The following SWAP70 variants were observed in gnomAD, a reference collection of about 807,000 sequenced individuals.
SWAP70 encodes switch-associated protein 70.
Under a neutral mutation model 80.2 loss-of-function variants are expected in SWAP70, and 34 were observed. The ratio of observed to expected loss-of-function variants is 0.42; its 90% CI spans 0.32 to 0.56. The LOEUF (loss-of-function observed/expected upper bound fraction) is 0.56, where lower values mean the gene tolerates loss of function less well. SWAP70 is among the 20% of genes least tolerant of loss of function. The probability of loss-of-function intolerance (pLI) is 0.09; values close to 1 mark genes in which losing one functional copy is unlikely to be tolerated. For missense variants in SWAP70, 578 were observed against 690.7 expected (o/e 0.84, Z 1.83); for synonymous variants, 239 against 238.5 (o/e 1.00, Z -0.02).
In SWAP70 at chr11:9,694,300, CT is replaced by C. The variant is rs1449641482; in HGVS notation, c.240+21del. ...ATTTTGGAAAAGGTATGATTCTAAC[CT>C]TTTTTTGGGTGTAGCATTGTTTGGT... On this transcript the variant is annotated intron_variant, in intron 2 of 11. Coordinates refer to ENST00000318950, the MANE Select transcript of SWAP70 (RefSeq NM_015055.4). The C allele has an allele frequency of 1.2e-5, 20 of 1,603,540 alleles. No homozygotes were observed. The highest frequency in any genetic ancestry group is 3.4e-5 in the South Asian group (3 of 89,302).
At chr11:9,693,698 T>A (rs894573462) in intron 1 of SWAP70, among the ~76,000 whole-genome samples, 1 of 152,158 alleles carries the variant, frequency 6.6e-6, no homozygotes, top group African/African-American at 2.4e-5. Context: ...CAGGTCAGCC[T>A]CCTTGTCCAG....
chr11:9,736,646 G>A (rs1472685079), intron 7 of SWAP70, among the ~76,000 whole-genome samples: 4 of 152,058 alleles, frequency 2.6e-5, no homozygotes, highest in Non-Finnish European at 5.9e-5. Context: ...GTCACCCTGC[G>A]AAGACCCTGA....
At chr11:9,699,139 T>G (rs937988983) in intron 2 of SWAP70, among the ~76,000 whole-genome samples, 3 of 152,184 alleles carry the variant, frequency 2.0e-5, no homozygotes, top group African/African-American at 7.2e-5. Context: ...CAAAGTAGAT[T>G]AGAGGTTTCT....
intron 1 of SWAP70, among the ~76,000 whole-genome samples, chr11:9,686,298 A>G (rs1235930207): frequency 6.6e-6 from 1 of 151,620 alleles, no homozygotes; most frequent in Non-Finnish European, 1.5e-5. Context: ...GTCCTTTTGT[A>G]TAAATAGGGT....
intron 2 of SWAP70, among the ~76,000 whole-genome samples, chr11:9,700,141 T>A (rs1394524324): frequency 6.6e-6 from 1 of 152,134 alleles, no homozygotes; most frequent in African/African-American, 2.4e-5. Flanking sequence ...GTTCTTTGTT[T>A]TAGTATTTCA....
chr11:9,681,237 A>G (rs78023220), intron 1 of SWAP70: 2 of 152,362 alleles, frequency 1.3e-5, no homozygotes, highest in East Asian at 3.9e-4. Flanking sequence ...AGCACTGTAA[A>G]TTAAGAGCAA....
At chr11:9,713,408 C>A in intron 2 of SWAP70, 58 bp from the exon 3 acceptor site, 1 of 1,514,198 alleles carries the variant, frequency 6.6e-7, no homozygotes. Flanking sequence ...ATTTTACTTG[C>A]CTTAGATACT....
chr11:9,711,601 T>G lies in SWAP70; in HGVS notation c.241-1865T>G, dbSNP rs1291086913. Among the ~76,000 whole-genome samples the G allele has an allele frequency of 2.0e-5, 3 of 151,988 alleles. No individual in the cohort carries two copies. The South Asian group carries it at 6.2e-4, about 32-fold the overall frequency. On this transcript the variant is annotated intron_variant, in intron 2 of 11. Transcript: ENST00000318950. ...AGCCAGTAGAACTTTGAATCTGCAGTGAGTGACGCAGAAGATCATGGACAG... is the reference window on the plus strand; with the variant it reads ...AGCCAGTAGAACTTTGAATCTGCAGGGAGTGACGCAGAAGATCATGGACAG...
intron 1 of SWAP70, among the ~76,000 whole-genome samples, chr11:9,680,763 C>G (rs1850557509): frequency 6.6e-6 from 1 of 152,136 alleles, no homozygotes; most frequent in Non-Finnish European, 1.5e-5. Context: ...GTTAATATTA[C>G]CTATTCCCTT....
chr11:9,709,110 A>G (rs546161498), intron 2 of SWAP70, among the ~76,000 whole-genome samples: 2 of 143,766 alleles, frequency 1.4e-5, no homozygotes, highest in African/African-American at 5.3e-5. Context: ...GGGTCTCACT[A>G]TGTTGCCCAG....
At chr11:9,714,131 T>C (rs1356169725) in intron 3 of SWAP70, among the ~76,000 whole-genome samples, 1 of 151,896 alleles carries the variant, frequency 6.6e-6, no homozygotes, top group Admixed American at 6.6e-5. Flanking sequence ...TCCCTAAACT[T>C]CCAAAGGAAA....
intron 9 of SWAP70, among the ~76,000 whole-genome samples, chr11:9,745,767 A>T (rs1018551305): frequency 4.6e-5 from 7 of 152,250 alleles, no homozygotes; most frequent in Non-Finnish European, 8.8e-5. Flanking sequence ...GAGGAAGCCG[A>T]TACACAGAAA....
intron 2 of SWAP70, among the ~76,000 whole-genome samples, chr11:9,707,404 T>C (rs1175248000): frequency 7.0e-6 from 1 of 143,422 alleles, no homozygotes; most frequent in Non-Finnish European, 1.6e-5. Context: ...ATAAGTAGAA[T>C]CATGCTGTAT....
chr11:9,722,160 C>A (rs116161200), intron 3 of SWAP70, among the ~76,000 whole-genome samples: 2 of 152,166 alleles, frequency 1.3e-5, no homozygotes, highest in Admixed American at 6.5e-5. Context: ...GTGCAAATTG[C>A]TCTGTATTTG....
intron 1 of SWAP70, among the ~76,000 whole-genome samples, chr11:9,693,552 C>T (rs1203654149): frequency 6.6e-6 from 1 of 152,068 alleles, no homozygotes; most frequent in Non-Finnish European, 1.5e-5. Context: ...TATACTCATG[C>T]TGAAATTTAG....
intron 1 of SWAP70, among the ~76,000 whole-genome samples, chr11:9,664,762 C>T (rs2134408022): frequency 6.6e-6 from 1 of 152,348 alleles, no homozygotes; most frequent in Admixed American, 6.5e-5. Context: ...GCTAGCTGCC[C>T]CGGAGGCGAC....
chr11:9,702,835 T>C (rs1205622611), intron 2 of SWAP70, among the ~76,000 whole-genome samples: 1 of 152,200 alleles, frequency 6.6e-6, no homozygotes, highest in East Asian at 1.9e-4. Flanking sequence ...GGTTTCATGC[T>C]GAGAAACATG....
chr11:9,739,205 G>A (rs549341839), intron 8 of SWAP70, among the ~76,000 whole-genome samples: 1 of 152,346 alleles, frequency 6.6e-6, no homozygotes, highest in Non-Finnish European at 1.5e-5. Context: ...TAGGTAGTTA[G>A]CTGGTTAGCT....
intron 2 of SWAP70, chr11:9,703,320 A>G (rs1158683812): frequency 2.2e-6 from 1 of 455,622 alleles, no homozygotes; most frequent in Non-Finnish European, 4.4e-6. Context: ...TTATTTACAT[A>G]TTCAGTTCAT....
Sources: gnomAD v4.1 joint callset for allele counts (sites outside exome capture counted in the v4.1 genomes callset) on GRCh38, gnomAD v4.1.1 for gene constraint, MANE v1.5 for transcripts, NCBI Gene and HGNC (gene_info 2026-07-23, HGNC 2026-07-21) for gene names.